The following LEKR1 variants were observed in gnomAD, a reference collection of about 807,000 sequenced individuals.
The protein encoded by LEKR1 is leucine, glutamate and lysine rich 1, also known as protein LEKR1.
Under a neutral mutation model 72.4 loss-of-function variants are expected in LEKR1, and 59 were observed. The ratio of observed to expected loss-of-function variants is 0.82; its 90% confidence interval spans 0.66 to 1.01. LEKR1 has a LOEUF of 1.01. LEKR1 is among the 50% of genes least tolerant of loss of function. LEKR1 has a pLI of 0.00. For missense variants in LEKR1, 728 were observed against 759.2 expected, an observed-to-expected ratio of 0.96 and a Z score of 0.48; for synonymous variants, 257 against 263.2, an observed-to-expected ratio of 0.98 and a Z score of 0.23.
intron 9 of LEKR1, 75 bp from the exon 10 acceptor site, chr3:157,011,338 C>A: frequency 1.0e-6 from 1 of 984,694 alleles, no homozygotes; most frequent in Non-Finnish European, 1.6e-6. Context: ...GTAATATCTC[C>A]CGACCCAGGA....
At chr3:156,894,270 T>C (rs1408113645) in intron 3 of LEKR1, among the ~76,000 whole-genome samples, 1 of 152,170 alleles carries the variant, frequency 6.6e-6, no homozygotes, top group Non-Finnish European at 1.5e-5. Flanking sequence ...TGATACCCTA[T>C]TGAAGTGAAC....
chr3:156,969,533 A>G (rs1301611097), intron 6 of LEKR1, among the ~76,000 whole-genome samples: 1 of 152,228 alleles, frequency 6.6e-6, no homozygotes, highest in Admixed American at 6.5e-5. Flanking sequence ...AGAAATGGAT[A>G]AATTCCTCAA....
chr3:156,935,973 A>G (rs1725662125), intron 5 of LEKR1, among the ~76,000 whole-genome samples: 1 of 152,246 alleles, frequency 6.6e-6, no homozygotes, highest in African/African-American at 2.4e-5. Context: ...TGTAAATGTT[A>G]TAATTTATTT....
intron 7 of LEKR1, among the ~76,000 whole-genome samples, chr3:156,982,394 G>T (rs1730279285): frequency 3.3e-5 from 5 of 152,010 alleles, no homozygotes; most frequent in African/African-American, 1.2e-4. Context: ...GTTTTCTAGT[G>T]TCTTTTTAGA....
Position 156,981,628 on chromosome 3 carries a change from T to C in LEKR1, c.827+2353T>C, listed in dbSNP as rs73873755. ...CTGTCTCTAGCTCTTCCATCTATACTCTATCTACTCTCCTTTACTGCTAGG... is the reference window on the plus strand; with the variant it reads ...CTGTCTCTAGCTCTTCCATCTATACCCTATCTACTCTCCTTTACTGCTAGG... On this transcript the variant is annotated intron_variant, in intron 7 of 12. Coordinates refer to ENST00000356539, the MANE Select transcript of LEKR1 (RefSeq NM_001004316.3). Among the ~76,000 whole-genome samples, 1,086 of 152,198 alleles carry C rather than the reference T, an allele frequency of 7.1e-3. 20 individuals are homozygous for C. Among genetic ancestry groups the C allele is most frequent in the African/African-American group, 0.025 (1,042 of 41,544 alleles).
chr3:157,009,324 G>T (rs933125123), intron 9 of LEKR1, among the ~76,000 whole-genome samples: 19 of 151,958 alleles, frequency 1.3e-4, no homozygotes, highest in African/African-American at 4.6e-4. Context: ...TTTCAAATTG[G>T]TATGTATTCT....
At chr3:156,926,543 A>T (rs572852058) in intron 4 of LEKR1, among the ~76,000 whole-genome samples, 47 of 152,022 alleles carry the variant, frequency 3.1e-4, no homozygotes, top group African/African-American at 8.9e-4. Flanking sequence ...CTCACTGATG[A>T]GTTCCCCCTA....
intron 3 of LEKR1, among the ~76,000 whole-genome samples, chr3:156,890,008 C>G (rs73025879): frequency 6.6e-6 from 1 of 152,154 alleles, no homozygotes; most frequent in Non-Finnish European, 1.5e-5. Flanking sequence ...GCATCTCTGC[C>G]TCTCCATTTC....
At position 156,961,555 on chromosome 3, in the gene LEKR1, C is replaced by G. The variant is rs565413005; in HGVS notation, c.746-17639C>G. 2.0e-5 allele frequency among the ~76,000 whole-genome samples: 3 copies of G among 152,290 alleles called. No homozygotes were observed. In the South Asian group the frequency reaches 6.2e-4, roughly 32 times the overall value. The stretch of plus-strand genomic sequence containing the variant: ...GGTCTTTTGTGTGTGGCGTCTTTCA[C>G]TTAGGATAATGTTTGTGAGTTTCAT... On this transcript the variant is annotated intron_variant, in intron 6 of 12. Coordinates refer to ENST00000356539, the MANE Select transcript of LEKR1 (RefSeq NM_001004316.3).
At chr3:157,032,591 A>G (rs1308586665) in intron 12 of LEKR1, among the ~76,000 whole-genome samples, 2 of 152,236 alleles carry the variant, frequency 1.3e-5, no homozygotes, top group Non-Finnish European at 1.5e-5. Flanking sequence ...GATATTGGCC[A>G]AAGCTTACAA....
chr3:157,007,186 GCGAGACT>G (rs1175410097), intron 9 of LEKR1, among the ~76,000 whole-genome samples: 1 of 152,122 alleles, frequency 6.6e-6, no homozygotes, highest in Non-Finnish European at 1.5e-5. Context: ...GGGCCACAGA[GCGAGACT>G]CTGTCTCAAA....
At chr3:156,988,560 G>T in intron 7 of LEKR1, 1 of 190,412 alleles carries the variant, frequency 5.3e-6, no homozygotes. Flanking sequence ...TTGTTTTCTT[G>T]AGGCGTGTGG....
At chr3:157,042,667 T>A (rs1387640802) in intron 12 of LEKR1, among the ~76,000 whole-genome samples, 2 of 152,226 alleles carry the variant, frequency 1.3e-5, no homozygotes, top group African/African-American at 4.8e-5. Flanking sequence ...TTAATCTTAG[T>A]AAATTGATTG....
intron 10 of LEKR1, among the ~76,000 whole-genome samples, chr3:157,015,618 A>T (rs1733249925): frequency 6.6e-6 from 1 of 152,234 alleles, no homozygotes; most frequent in Admixed American, 6.5e-5. Flanking sequence ...ATTCATAGGA[A>T]TACAAAAATA....
chr3:156,874,888 C>CA (rs1485060934), intron 3 of LEKR1, among the ~76,000 whole-genome samples: 1 of 152,096 alleles, frequency 6.6e-6, no homozygotes, highest in African/African-American at 2.4e-5. Context: ...ATGGCTGAGT[C>CA]ATATTCCCTG....
intron 9 of LEKR1, among the ~76,000 whole-genome samples, chr3:156,997,484 G>A (rs1454513522): frequency 1.3e-5 from 2 of 152,182 alleles, no homozygotes; most frequent in Admixed American, 6.5e-5. Context: ...GGAGATTCTG[G>A]TTCAGTAGGT....
At chr3:157,026,417 T>G (rs1395293258) in intron 11 of LEKR1, among the ~76,000 whole-genome samples, 1 of 152,208 alleles carries the variant, frequency 6.6e-6, no homozygotes, top group Non-Finnish European at 1.5e-5. Flanking sequence ...GATCTTTAAA[T>G]GTTGACTGCC....
intron 10 of LEKR1, among the ~76,000 whole-genome samples, chr3:157,020,665 A>T (rs1482054844): frequency 1.3e-5 from 2 of 151,314 alleles, no homozygotes; most frequent in Non-Finnish European, 2.9e-5. Flanking sequence ...CATTTTCTTA[A>T]TCCAGTCTAT....
intron 9 of LEKR1, among the ~76,000 whole-genome samples, chr3:156,997,811 G>A (rs1213500330): frequency 6.6e-6 from 1 of 152,216 alleles, no homozygotes; most frequent in African/African-American, 2.4e-5. Flanking sequence ...TGAATTTGGA[G>A]AAATAAGGGA....
Sources: allele counts gnomAD v4.1 joint callset (sites outside exome capture counted in the v4.1 genomes callset), GRCh38; gene constraint gnomAD v4.1.1; transcripts MANE v1.5; gene names NCBI Gene and HGNC (gene_info 2026-07-23, HGNC 2026-07-21).